TBC1D12: variants seen among roughly 807,000 people sequenced by gnomAD.
TBC1D12 encodes TBC1 domain family member 12, also known as TBC1 domain family, member 12.
Under a neutral mutation model 86.7 loss-of-function variants are expected in TBC1D12, and 56 were observed. That is an observed-to-expected ratio of 0.65 (90% CI 0.52 to 0.81). The LOEUF (loss-of-function observed/expected upper bound fraction) is 0.81, where lower values mean the gene tolerates loss of function less well. Ranked by LOEUF, TBC1D12 falls within the 30% of genes least tolerant of loss-of-function variation. TBC1D12 has a pLI of 0.00. For synonymous variants in TBC1D12, 421 were observed against 411.7 expected (o/e 1.02, Z -0.27); for missense variants, 1,023 against 1,038.8 (o/e 0.98, Z 0.21).
At chr10:94,521,238 C>A (rs57843147) in intron 9 of TBC1D12, among the ~76,000 whole-genome samples, 2,394 of 121,916 alleles carry the variant, frequency 0.02, 47 homozygotes, top group African/African-American at 0.05. Flanking sequence ...AAAAAAAAAA[C>A]AAAAAAAAAA....
Position 94,450,649 on chromosome 10 carries a change from T to C in TBC1D12, c.1095+8630T>C, listed in dbSNP as rs2055536617. 2.6e-5 allele frequency among the ~76,000 whole-genome samples: 4 copies of C among 151,998 alleles called. No homozygotes were observed. The South Asian group carries it at 8.3e-4, about 32-fold the overall frequency. On this transcript the variant is annotated intron_variant, in intron 2 of 12. Transcript: ENST00000225235. The stretch of plus-strand genomic sequence containing the variant: ...TTAGAAAACAGTAACGATCGAGCAA[T>C]CCCGCTACTGGACATTTATCCATAC...
chr10:94,409,600 T>A (rs1192843546), intron 1 of TBC1D12, among the ~76,000 whole-genome samples: 1 of 152,100 alleles, frequency 6.6e-6, no homozygotes, highest in African/African-American at 2.4e-5. Flanking sequence ...GGTCTCAAAC[T>A]CCTGGGCTCA....
intron 1 of TBC1D12, among the ~76,000 whole-genome samples, chr10:94,434,452 G>A (rs983779128): frequency 7.3e-5 from 11 of 150,664 alleles, no homozygotes; most frequent in Non-Finnish European, 1.5e-4. Context: ...GTTGCAGTGA[G>A]CCAAGACTGT....
At chr10:94,481,187 G>A (rs1180366185) in intron 3 of TBC1D12, among the ~76,000 whole-genome samples, 1 of 151,890 alleles carries the variant, frequency 6.6e-6, no homozygotes, top group Non-Finnish European at 1.5e-5. Flanking sequence ...AAGGGCCCTA[G>A]GATTTTCAGA....
chr10:94,458,996 G>C (rs577546684), intron 2 of TBC1D12, among the ~76,000 whole-genome samples: 47 of 152,250 alleles, frequency 3.1e-4, no homozygotes, highest in African/African-American at 1.1e-3. Flanking sequence ...GCGGGTTGGC[G>C]TTGTTGGCTC....
Position 94,500,321 on chromosome 10 carries a change from A to C in TBC1D12, c.1513A>C (p.Thr505Pro). ...SLAVGNELNI[T>P]PELYEIFLSR... ...AGCTGTAGGAAATGAACTAAATATC[A>C]CTCCTGGTTTGTATTCTACGTTCAG... Residue 505 changes from threonine (T) to proline (P), a missense_variant, in exon 6 of 13, where the codon ACT becomes CCT. Around this residue, in one of 2 missense-constraint regions of TBC1D12, gnomAD observed 395 missense variants for 507.7 expected, o/e 0.78. Coordinates refer to ENST00000225235, the MANE Select transcript of TBC1D12 (RefSeq NM_015188.2). The C allele has an allele frequency of 1.2e-6, 2 of 1,612,020 alleles. No homozygotes were observed. The highest frequency in any genetic ancestry group is 1.7e-6 in the Non-Finnish European group (2 of 1,179,122).
At chr10:94,490,912 T>C (rs1251813202) in intron 3 of TBC1D12, among the ~76,000 whole-genome samples, 1 of 152,090 alleles carries the variant, frequency 6.6e-6, no homozygotes, top group African/African-American at 2.4e-5. Flanking sequence ...ATCACACACA[T>C]GCACAGATCA....
At chr10:94,451,996 C>A (rs531938503) in intron 2 of TBC1D12, among the ~76,000 whole-genome samples, 1 of 151,656 alleles carries the variant, frequency 6.6e-6, no homozygotes, top group Non-Finnish European at 1.5e-5. Flanking sequence ...AAACTATGAT[C>A]AGTCACAGTT....
intron 2 of TBC1D12, among the ~76,000 whole-genome samples, chr10:94,467,110 GCAGT>G (rs1346598123): frequency 1.3e-5 from 2 of 152,134 alleles, no homozygotes; most frequent in African/African-American, 2.4e-5. Flanking sequence ...ACTGCAGTTT[GCAGT>G]CAGTTTTTCT....
At chr10:94,475,371 CTAT>C (rs1564965540) in intron 3 of TBC1D12, among the ~76,000 whole-genome samples, 1 of 152,104 alleles carries the variant, frequency 6.6e-6, no homozygotes, top group Non-Finnish European at 1.5e-5. Flanking sequence ...TGGGAGCCTA[CTAT>C]TATTATTAAG....
intron 1 of TBC1D12, among the ~76,000 whole-genome samples, chr10:94,440,885 T>C (rs1201837854): frequency 1.3e-5 from 2 of 152,166 alleles, no homozygotes; most frequent in African/African-American, 4.8e-5. Context: ...TTGTGCAGGG[T>C]GCACAATGAC....
At chr10:94,444,510 C>T (rs1276197002) in intron 2 of TBC1D12, among the ~76,000 whole-genome samples, 1 of 151,974 alleles carries the variant, frequency 6.6e-6, no homozygotes, top group Admixed American at 6.6e-5. Flanking sequence ...AGAGGCAAAA[C>T]GGTGGTCTTG....
chr10:94,487,863 GT>G (rs1298815236), intron 3 of TBC1D12, among the ~76,000 whole-genome samples: 3 of 123,288 alleles, frequency 2.4e-5, no homozygotes, highest in South Asian at 3.3e-4. Context: ...TACCCAGCTG[GT>G]TTTTTTTTTG....
intron 1 of TBC1D12, among the ~76,000 whole-genome samples, chr10:94,408,725 A>G (rs933578043): frequency 3.3e-5 from 5 of 152,174 alleles, no homozygotes; most frequent in Non-Finnish European, 7.4e-5. Flanking sequence ...CCAGTCAACT[A>G]AAATAAAAAA....
intron 3 of TBC1D12, among the ~76,000 whole-genome samples, chr10:94,478,981 C>T (rs979796312): frequency 3.9e-5 from 6 of 151,938 alleles, no homozygotes; most frequent in African/African-American, 1.4e-4. Context: ...AATGTGATTT[C>T]AATTAAGCTG....
At chr10:94,523,972 A>C (rs977592747) in intron 11 of TBC1D12, among the ~76,000 whole-genome samples, 25 of 152,350 alleles carry the variant, frequency 1.6e-4, no homozygotes, top group Non-Finnish European at 1.3e-4. Flanking sequence ...CTATTAAAAA[A>C]AAATTATGTA....
At chr10:94,440,657 T>C (rs1480221409) in intron 1 of TBC1D12, among the ~76,000 whole-genome samples, 1 of 152,236 alleles carries the variant, frequency 6.6e-6, no homozygotes, top group Non-Finnish European at 1.5e-5. Flanking sequence ...TAATTAATCA[T>C]ATGTGTGAAT....
At chr10:94,507,870 C>A (rs2056480615) in intron 7 of TBC1D12, among the ~76,000 whole-genome samples, 1 of 152,046 alleles carries the variant, frequency 6.6e-6, no homozygotes, top group Admixed American at 6.6e-5. Flanking sequence ...CATGCAATCC[C>A]AGCTACTTGG....
At chr10:94,496,924 C>A in intron 4 of TBC1D12, 131 bp from the exon 5 acceptor site, 1 of 450,054 alleles carries the variant, frequency 2.2e-6, no homozygotes, top group Non-Finnish European at 3.9e-6. Flanking sequence ...CCCTCCCTCC[C>A]TTATTTCCTT....
Sources: allele counts gnomAD v4.1 joint callset (sites outside exome capture counted in the v4.1 genomes callset), GRCh38; gene constraint gnomAD v4.1.1; regional missense constraint gnomAD v4.1.1; transcripts MANE v1.5; gene names NCBI Gene and HGNC (gene_info 2026-07-23, HGNC 2026-07-21).